The following IQCM variants were observed in gnomAD, a reference collection of about 807,000 sequenced individuals.
The protein encoded by IQCM is IQ domain-containing protein M.
In IQCM, 45 loss-of-function variants were observed where a neutral mutation model predicts 57.6. That is an observed-to-expected ratio of 0.78 (90% CI 0.62 to 1.00). The LOEUF is 1.00. Among genes scored for constraint, IQCM ranks in the 50% least tolerant of loss-of-function variants. IQCM has a pLI of 0.00. For missense variants in IQCM, 468 were observed against 511.6 expected (o/e 0.91, Z 0.82); for synonymous variants, 148 against 158.9 (o/e 0.93, Z 0.51).
At chr4:149,750,887 G>C (rs1038416151) in intron 2 of IQCM, among the ~76,000 whole-genome samples, 3 of 152,140 alleles carry the variant, frequency 2.0e-5, no homozygotes. Flanking sequence ...GAATTATGCT[G>C]TGCTTAGAAA....
At chr4:149,726,525 T>G (rs1229600232) in intron 5 of IQCM, among the ~76,000 whole-genome samples, 3 of 152,200 alleles carry the variant, frequency 2.0e-5, no homozygotes, top group Non-Finnish European at 4.4e-5. Context: ...CCTCTAAGTG[T>G]TAGAAATTCT....
chr4:149,745,817 C>A (rs1190236953), intron 2 of IQCM, among the ~76,000 whole-genome samples: 2 of 151,906 alleles, frequency 1.3e-5, no homozygotes, highest in Non-Finnish European at 1.5e-5. Flanking sequence ...ACAAAGAATA[C>A]AAAAATTAGC....
At chr4:149,563,344 C>T (rs1750310875) in intron 10 of IQCM, among the ~76,000 whole-genome samples, 1 of 152,088 alleles carries the variant, frequency 6.6e-6, no homozygotes, top group South Asian at 2.1e-4. Flanking sequence ...ATAAGTGAGG[C>T]CTTTTGTTCA....
chr4:149,362,658 T>G (rs1164758192), intron 13 of IQCM, among the ~76,000 whole-genome samples: 6 of 152,142 alleles, frequency 3.9e-5, no homozygotes, highest in Non-Finnish European at 7.4e-5. Flanking sequence ...TAAGTCCAAT[T>G]AAATCTCTTT....
chr4:149,645,820 T>G (rs2150123966), intron 7 of IQCM, among the ~76,000 whole-genome samples: 1 of 152,112 alleles, frequency 6.6e-6, no homozygotes, highest in Admixed American at 6.5e-5. Flanking sequence ...CAACTCCCTC[T>G]CCTCACCTAT....
rs148806205 is a variant in IQCM, at chr4:149,537,612, T to C, written c.1228+10843A>G. ...TAATCTAAAAGTCCAAGAAGTTCAA[T>C]GAACCCCAAGTATGATAAACAAACA... On this transcript the variant is annotated intron_variant, in intron 12 of 13. Coordinates refer to ENST00000636793, the MANE Select transcript of IQCM (RefSeq NM_001363507.2). Among the ~76,000 whole-genome samples the C allele has an allele frequency of 2.6e-3, 399 of 151,964 alleles. 3 individuals are homozygous for C. The highest frequency in any genetic ancestry group is 8.9e-3 in the African/African-American group (370 of 41,526).
At chr4:149,635,024 C>T (rs766221414) in intron 7 of IQCM, among the ~76,000 whole-genome samples, 93 of 152,022 alleles carry the variant, frequency 6.1e-4, no homozygotes, top group Non-Finnish European at 1.1e-3. Flanking sequence ...TTTAGATTTT[C>T]CATAATAAAA....
At chr4:149,378,086 T>A (rs1219659175) in intron 13 of IQCM, among the ~76,000 whole-genome samples, 1 of 152,160 alleles carries the variant, frequency 6.6e-6, no homozygotes, top group African/African-American at 2.4e-5. Flanking sequence ...TTCACTTGGT[T>A]TTCATTCTCT....
chr4:149,698,908 A>G (rs1381718672), intron 5 of IQCM, among the ~76,000 whole-genome samples: 2 of 152,074 alleles, frequency 1.3e-5, no homozygotes, highest in African/African-American at 4.8e-5. Flanking sequence ...ATATAAGGAT[A>G]AAAGATTGCC....
At chr4:149,572,673 G>T (rs1429298745) in intron 9 of IQCM, among the ~76,000 whole-genome samples, 3 of 151,804 alleles carry the variant, frequency 2.0e-5, no homozygotes, top group South Asian at 2.1e-4. Context: ...CGCCTTGAAG[G>T]TTTCATCATG....
chr4:149,425,017 A>G (rs1210887503), intron 13 of IQCM, among the ~76,000 whole-genome samples: 1 of 151,994 alleles, frequency 6.6e-6, no homozygotes, highest in Admixed American at 6.6e-5. Flanking sequence ...TGATTGTACC[A>G]TTCAGTAGCT....
intron 12 of IQCM, among the ~76,000 whole-genome samples, chr4:149,464,694 T>G (rs1039767787): frequency 2.2e-4 from 33 of 152,230 alleles, no homozygotes; most frequent in African/African-American, 7.7e-4. Context: ...AGGTTCCAGT[T>G]CTCCATGATC....
chr4:149,771,396 C>T lies in IQCM; in HGVS notation c.-48-28657G>A, dbSNP rs543655216. Among the ~76,000 whole-genome samples, 55 of 152,124 alleles carry T rather than the reference C, an allele frequency of 3.6e-4. 1 individual carries two copies. Among genetic ancestry groups the T allele is most frequent in the Middle Eastern group, 6.8e-3 (2 of 294 alleles). On this transcript the variant is annotated intron_variant, in intron 2 of 13. Transcript: ENST00000636793. Reference sequence around the variant, plus strand: ...AGACGGCCTTAAAATAGTTGTGTCACGCTTAAATGTCATATTGTCTCTTAA... The same window carrying T: ...AGACGGCCTTAAAATAGTTGTGTCATGCTTAAATGTCATATTGTCTCTTAA...
chr4:149,377,729 A>G (rs1346972247), intron 13 of IQCM, among the ~76,000 whole-genome samples: 3 of 152,140 alleles, frequency 2.0e-5, no homozygotes, highest in Non-Finnish European at 2.9e-5. Flanking sequence ...AGCAAATTCT[A>G]TATGTCTCCT....
Position 149,736,245 on chromosome 4 carries a change from G to A in IQCM, c.38-787C>T, listed in dbSNP as rs1316089316. ...TTACAGGTGTGACCGAAAGCACCCA[G>A]CCTAAGTTTCTTAATTTCTTTTAAC... On this transcript the variant is annotated intron_variant, in intron 3 of 13. Transcript: ENST00000636793. Among the ~76,000 whole-genome samples, 4 of 151,918 alleles carry A rather than the reference G, an allele frequency of 2.6e-5. No individual in the cohort carries two copies. In the East Asian group the frequency reaches 7.7e-4, roughly 29 times the overall value.
At chr4:149,378,324 C>A (rs1241027033) in intron 13 of IQCM, among the ~76,000 whole-genome samples, 4 of 152,060 alleles carry the variant, frequency 2.6e-5, no homozygotes, top group Non-Finnish European at 4.4e-5. Context: ...GAGGTAGGAA[C>A]AGTTGGAGGG....
At chr4:149,492,424 G>A (rs72955450) in intron 12 of IQCM, among the ~76,000 whole-genome samples, 2,204 of 152,044 alleles carry the variant, frequency 0.014, 37 homozygotes, top group African/African-American at 0.042. Flanking sequence ...ACTGACTGTT[G>A]GACATTTCCA....
intron 12 of IQCM, among the ~76,000 whole-genome samples, chr4:149,439,227 T>C (rs554629107): frequency 9.9e-5 from 15 of 152,218 alleles, no homozygotes; most frequent in Middle Eastern, 3.4e-3. Flanking sequence ...CAAACTACAG[T>C]TAGTTCAAAA....
chr4:149,650,741 C>G (rs1000782341), intron 7 of IQCM, among the ~76,000 whole-genome samples: 1 of 152,126 alleles, frequency 6.6e-6, no homozygotes, highest in Non-Finnish European at 1.5e-5. Context: ...TGTTACCACA[C>G]AGCTAAGAAA....
Sources: gnomAD v4.1 joint callset for allele counts (sites outside exome capture counted in the v4.1 genomes callset) on GRCh38, gnomAD v4.1.1 for gene constraint, MANE v1.5 for transcripts, NCBI Gene and HGNC (gene_info 2026-07-23, HGNC 2026-07-21) for gene names.